The following NRXN1 variants were observed in gnomAD, a reference collection of about 807,000 sequenced individuals.
The protein encoded by NRXN1 is neurexin-1.
Under a neutral mutation model 150.9 loss-of-function variants are expected in NRXN1, and 39 were observed. That is an observed-to-expected ratio of 0.26 (90% CI 0.20 to 0.34). The LOEUF is 0.34. Ranked by LOEUF, NRXN1 falls within the 10% of genes least tolerant of loss-of-function variation. NRXN1 has a pLI of 1.00. For synonymous variants in NRXN1, 924 were observed against 757.0 expected, an observed-to-expected ratio of 1.22 and a Z score of -3.62; for missense variants, 1,815 against 1,949.9, an observed-to-expected ratio of 0.93 and a Z score of 1.30.
At chr2:50,074,863 T>A (rs2152674542) in intron 19 of NRXN1, among the ~76,000 whole-genome samples, 1 of 152,338 alleles carries the variant, frequency 6.6e-6, no homozygotes, top group African/African-American at 2.4e-5. Context: ...TTTGGTTTGT[T>A]TTGGTTTGGC....
intron 15 of NRXN1, among the ~76,000 whole-genome samples, chr2:50,477,145 G>C (rs544740657): frequency 5.3e-5 from 8 of 152,072 alleles, no homozygotes; most frequent in South Asian, 4.1e-4. Flanking sequence ...AGAATAAAAG[G>C]CTTGACTGGA....
At position 50,925,975 on chromosome 2, in the gene NRXN1, A is replaced by G. The variant is rs890496066; in HGVS notation, c.773-20T>C. 3 of 1,566,620 alleles carry G rather than the reference A, an allele frequency of 1.9e-6. No homozygotes were observed. The Admixed American group carries it at 5.6e-5, about 29-fold the overall frequency. ...TGTCTTCTGAAAGCACATGACAAGG[A>G]GGGAGAGAAAAGGAAAAACATTCAT... On this transcript the variant is annotated intron_variant, in intron 2 of 22. Transcript: ENST00000401669.
At chr2:50,237,867 G>A (rs961094108) in intron 17 of NRXN1, among the ~76,000 whole-genome samples, 1 of 152,036 alleles carries the variant, frequency 6.6e-6, no homozygotes, top group African/African-American at 2.4e-5. Flanking sequence ...CCTGGTGGAA[G>A]GTGATGGGAT....
intron 2 of NRXN1, among the ~76,000 whole-genome samples, chr2:50,990,926 C>A (rs1388237695): frequency 6.6e-6 from 1 of 151,998 alleles, no homozygotes; most frequent in Non-Finnish European, 1.5e-5. Flanking sequence ...GGAAAACAAG[C>A]ACTTTGGGAG....
chr2:50,523,472 G>A (rs1221746673), intron 12 of NRXN1, among the ~76,000 whole-genome samples: 1 of 152,116 alleles, frequency 6.6e-6, no homozygotes, highest in African/African-American at 2.4e-5. Flanking sequence ...ATGTTAACAA[G>A]CTCCAGCCCC....
chr2:50,022,524 G>A (rs1201072684), intron 21 of NRXN1, among the ~76,000 whole-genome samples: 2 of 152,068 alleles, frequency 1.3e-5, no homozygotes, highest in Non-Finnish European at 2.9e-5. Flanking sequence ...ACAAAAGCAG[G>A]GGATTACATT....
intron 18 of NRXN1, among the ~76,000 whole-genome samples, chr2:50,134,299 A>G (rs1388171465): frequency 8.0e-5 from 12 of 150,900 alleles, no homozygotes; most frequent in Non-Finnish European, 1.8e-4. Context: ...AAAAGAGAAC[A>G]CTAAGCAAAC....
At chr2:50,266,473 T>C (rs2068885284) in intron 17 of NRXN1, among the ~76,000 whole-genome samples, 1 of 147,838 alleles carries the variant, frequency 6.8e-6, no homozygotes, top group African/African-American at 2.5e-5. Flanking sequence ...GATATAACTC[T>C]ATAATATATA....
At chr2:50,722,982 T>G (rs1304980364) in intron 5 of NRXN1, among the ~76,000 whole-genome samples, 1 of 151,994 alleles carries the variant, frequency 6.6e-6, no homozygotes, top group African/African-American at 2.4e-5. Context: ...TGAGCTAGAG[T>G]CATTCTCCTG....
intron 17 of NRXN1, among the ~76,000 whole-genome samples, chr2:50,257,476 G>C (rs1449245724): frequency 6.6e-6 from 1 of 152,050 alleles, no homozygotes; most frequent in Admixed American, 6.6e-5. Context: ...CACCTTTTGA[G>C]ATTTAAATCT....
intron 17 of NRXN1, among the ~76,000 whole-genome samples, chr2:50,415,816 A>G (rs1441220463): frequency 6.6e-6 from 1 of 151,726 alleles, no homozygotes; most frequent in Non-Finnish European, 1.5e-5. Context: ...TCACAATGTG[A>G]TATGCTAAAT....
intron 17 of NRXN1, among the ~76,000 whole-genome samples, chr2:50,257,710 G>C (rs984863603): frequency 6.6e-6 from 1 of 151,964 alleles, no homozygotes; most frequent in African/African-American, 2.4e-5. Context: ...AAAGTGTAAT[G>C]TATTAAAATC....
intron 2 of NRXN1, among the ~76,000 whole-genome samples, chr2:51,006,641 A>T (rs1700763511): frequency 6.6e-6 from 1 of 151,922 alleles, no homozygotes. Context: ...CCACATACTC[A>T]AAAGGTAAGC....
chr2:50,409,107 T>C (rs2082967628), intron 17 of NRXN1, among the ~76,000 whole-genome samples: 1 of 152,156 alleles, frequency 6.6e-6, no homozygotes, highest in Non-Finnish European at 1.5e-5. Context: ...TCCCCTTTGA[T>C]TTTTCCTCTA....
chr2:50,791,146 A>AG (rs1705899844), intron 5 of NRXN1, among the ~76,000 whole-genome samples: 1 of 151,322 alleles, frequency 6.6e-6, no homozygotes. Context: ...TTAAAAAAAA[A>AG]GACTGTCAAA....
chr2:50,846,884 G>C (rs1193502175), intron 5 of NRXN1, among the ~76,000 whole-genome samples: 1 of 152,076 alleles, frequency 6.6e-6, no homozygotes, highest in Non-Finnish European at 1.5e-5. Flanking sequence ...GTTTCATAAC[G>C]AAATAATGAC....
chr2:50,592,355 C>T (rs1335211562), intron 8 of NRXN1, among the ~76,000 whole-genome samples: 1 of 152,196 alleles, frequency 6.6e-6, no homozygotes, highest in Admixed American at 6.5e-5. Flanking sequence ...TAAAAGCCAT[C>T]AATCCAGCAC....
intron 12 of NRXN1, among the ~76,000 whole-genome samples, chr2:50,507,274 T>C (rs955324486): frequency 1.3e-5 from 2 of 152,020 alleles, no homozygotes; most frequent in Non-Finnish European, 2.9e-5. Flanking sequence ...TACAACTAAT[T>C]GACCTGTACG....
intron 18 of NRXN1, among the ~76,000 whole-genome samples, chr2:50,146,048 C>T (rs1707965029): frequency 6.6e-6 from 1 of 151,596 alleles, no homozygotes; most frequent in African/African-American, 2.4e-5. Context: ...CATGGAGACA[C>T]TATCGGCTAA....
Sources: gnomAD v4.1 joint callset for allele counts (sites outside exome capture counted in the v4.1 genomes callset) on GRCh38, gnomAD v4.1.1 for gene constraint, MANE v1.5 for transcripts, NCBI Gene and HGNC (gene_info 2026-07-23, HGNC 2026-07-21) for gene names.